Variants in LRRTM4 observed in about 807,000 individuals in gnomAD.
The protein encoded by LRRTM4 is leucine rich repeat transmembrane neuronal 4, also known as leucine-rich repeat transmembrane neuronal protein 4.
LRRTM4 carries 25 observed loss-of-function variants against 47.6 expected under a neutral mutation model. The ratio of observed to expected loss-of-function variants is 0.53; its 90% CI spans 0.38 to 0.73. LRRTM4 has a LOEUF of 0.73. Ranked by LOEUF, LRRTM4 falls within the 30% of genes least tolerant of loss-of-function variation. The pLI is 0.00. For synonymous variants in LRRTM4, 311 were observed against 269.5 expected, an observed-to-expected ratio of 1.15 and a Z score of -1.51; for missense variants, 638 against 713.4, an observed-to-expected ratio of 0.89 and a Z score of 1.20.
At chr2:77,181,291 G>A (rs977496289) in intron 3 of LRRTM4, among the ~76,000 whole-genome samples, 1 of 152,078 alleles carries the variant, frequency 6.6e-6, no homozygotes, top group Non-Finnish European at 1.5e-5. Context: ...CATGTCTGAG[G>A]GTGAAGTACA....
At chr2:77,414,525 T>G (rs1280031217) in intron 3 of LRRTM4, among the ~76,000 whole-genome samples, 5 of 152,334 alleles carry the variant, frequency 3.3e-5, no homozygotes, top group Middle Eastern at 3.4e-3. Context: ...TTATTTTGTG[T>G]CTTTAATTAT....
At chr2:77,092,226 A>G (rs1670666784) in intron 3 of LRRTM4, among the ~76,000 whole-genome samples, 1 of 152,096 alleles carries the variant, frequency 6.6e-6, no homozygotes, top group South Asian at 2.1e-4. Context: ...CCAGACTTCA[A>G]TCCGGCCTCC....
At chr2:76,909,996 G>C (rs539009571) in intron 3 of LRRTM4, among the ~76,000 whole-genome samples, 1 of 152,106 alleles carries the variant, frequency 6.6e-6, no homozygotes, top group South Asian at 2.1e-4. Flanking sequence ...CCATTACTGC[G>C]TATATACCCA....
At chr2:77,501,659 TA>T (rs1247211089) in intron 3 of LRRTM4, among the ~76,000 whole-genome samples, 5 of 151,124 alleles carry the variant, frequency 3.3e-5, no homozygotes, top group Non-Finnish European at 7.4e-5. Context: ...ATTAATTTTC[TA>T]ATCATACAAT....
At chr2:76,860,745 CT>C (rs1301772750) in intron 3 of LRRTM4, among the ~76,000 whole-genome samples, 1 of 152,090 alleles carries the variant, frequency 6.6e-6, no homozygotes, top group African/African-American at 2.4e-5. Flanking sequence ...TACAACATCT[CT>C]TTCTACAAAC....
chr2:77,223,505 G>T (rs986635404), intron 3 of LRRTM4, among the ~76,000 whole-genome samples: 39 of 152,192 alleles, frequency 2.6e-4, no homozygotes, highest in South Asian at 1.5e-3. Flanking sequence ...AGCAACTTCG[G>T]CAAAGTCTCA....
intron 3 of LRRTM4, among the ~76,000 whole-genome samples, chr2:77,321,381 C>G (rs1440036327): frequency 6.6e-6 from 1 of 151,986 alleles, no homozygotes; most frequent in Admixed American, 6.6e-5. Flanking sequence ...AGAGTATTTT[C>G]TGATCTAAAT....
At chr2:77,282,049 C>T (rs1167495752) in intron 3 of LRRTM4, among the ~76,000 whole-genome samples, 2 of 152,006 alleles carry the variant, frequency 1.3e-5, no homozygotes, top group South Asian at 2.1e-4. Flanking sequence ...TTTAACAATA[C>T]TGATTCTTCC....
chr2:77,315,197 G>C (rs568260970), intron 3 of LRRTM4, among the ~76,000 whole-genome samples: 1 of 151,398 alleles, frequency 6.6e-6, no homozygotes, highest in Non-Finnish European at 1.5e-5. Context: ...TTCTGGAATA[G>C]TGTGTGACAT....
At chr2:76,876,165 G>A (rs1672774008) in intron 3 of LRRTM4, among the ~76,000 whole-genome samples, 1 of 151,918 alleles carries the variant, frequency 6.6e-6, no homozygotes, top group African/African-American at 2.4e-5. Context: ...AAAAAAAGAA[G>A]TTTTTTAAGA....
chr2:76,916,911 C>T (rs951139722), intron 3 of LRRTM4, among the ~76,000 whole-genome samples: 1 of 152,182 alleles, frequency 6.6e-6, no homozygotes, highest in South Asian at 2.1e-4. Context: ...CATCACATTG[C>T]AAATAACAGT....
intron 3 of LRRTM4, among the ~76,000 whole-genome samples, chr2:76,937,882 T>A (rs957530033): frequency 6.6e-6 from 1 of 152,050 alleles, no homozygotes; most frequent in African/African-American, 2.4e-5. Context: ...ATATATATAT[T>A]TTTAAAAATG....
intron 3 of LRRTM4, among the ~76,000 whole-genome samples, chr2:76,860,110 C>T (rs539351283): frequency 5.3e-5 from 8 of 152,172 alleles, no homozygotes; most frequent in East Asian, 1.9e-4. Flanking sequence ...AATAGGAGTA[C>T]GTACAAGAGT....
At chr2:77,048,796 T>G (rs1573498696) in intron 3 of LRRTM4, among the ~76,000 whole-genome samples, 1 of 151,842 alleles carries the variant, frequency 6.6e-6, no homozygotes, top group African/African-American at 2.4e-5. Flanking sequence ...TTCTTCTAGC[T>G]ATTTCAAAAT....
intron 3 of LRRTM4, among the ~76,000 whole-genome samples, chr2:77,417,079 C>T (rs1462424978): frequency 6.7e-6 from 1 of 149,062 alleles, no homozygotes; most frequent in African/African-American, 2.6e-5. Flanking sequence ...GAAAAGTGGG[C>T]AAAGGATATG....
intron 3 of LRRTM4, among the ~76,000 whole-genome samples, chr2:76,853,731 G>T (rs1247835479): frequency 6.6e-6 from 1 of 152,082 alleles, no homozygotes. Context: ...TATCACAAAA[G>T]GTGTTAAGGT....
At chr2:76,941,732 T>C (rs1675149788) in intron 3 of LRRTM4, among the ~76,000 whole-genome samples, 1 of 152,222 alleles carries the variant, frequency 6.6e-6, no homozygotes. Context: ...TTTGGGTTGG[T>C]TCCAAGTCTT....
At position 77,492,362 on chromosome 2, in the gene LRRTM4, G is replaced by A. The variant is rs569944204; in HGVS notation, c.1551+25956C>T. On this transcript the variant is annotated intron_variant, in intron 3 of 3. Transcript: ENST00000409884. ...GTCACCTCGAACTCCTGAGCTCAAG[G>A]AATCCTTTTGCTTTAGCCTCTAGAG... Among the ~76,000 whole-genome samples, 17 of 152,218 alleles carry A rather than the reference G, an allele frequency of 1.1e-4. No homozygotes were observed. In the South Asian group the frequency reaches 3.5e-3, roughly 32 times the overall value.
Position 77,243,434 on chromosome 2 carries a change from T to TA in LRRTM4, c.1551+274883dup, listed in dbSNP as rs923816143. Among the ~76,000 whole-genome samples, 17 of 31,054 alleles carry TA rather than the reference T, an allele frequency of 5.5e-4. 1 individual carries two copies. Among genetic ancestry groups the TA allele is most frequent in the Admixed American group, 1.1e-3 (3 of 2,656 alleles). 20.4% of individuals were successfully genotyped at this position (31,054 alleles called of 152,430 possible). ...TCAAAATAAAAAAAAATAAAAAAAA[T>TA]AAAAAAAAAAGATAAATACTATCTG... On this transcript the variant is annotated intron_variant, in intron 3 of 3. Transcript: ENST00000409884.
Sources: allele counts gnomAD v4.1 joint callset (sites outside exome capture counted in the v4.1 genomes callset), GRCh38; gene constraint gnomAD v4.1.1; transcripts MANE v1.5; gene names NCBI Gene and HGNC (gene_info 2026-07-23, HGNC 2026-07-21).